Variants in SMC1A observed in about 807,000 individuals in gnomAD.
SMC1A encodes the protein structural maintenance of chromosomes 1A.
A neutral mutation model predicts 94.5 loss-of-function variants in SMC1A; 4 were observed. The ratio of observed to expected loss-of-function variants is 0.04; its 90% CI spans 0.02 to 0.10. The LOEUF (loss-of-function observed/expected upper bound fraction) is 0.10. SMC1A is among the 10% of genes least tolerant of loss of function. The pLI is 1.00. For synonymous variants in SMC1A, 345 were observed against 347.7 expected (o/e 0.99, Z 0.09); for missense variants, 304 against 989.0 (o/e 0.31, Z 9.29).
chrX:53,404,741 C>T (rs1224598009), intron 13 of SMC1A, among the ~76,000 whole-genome samples: 1 of 111,279 alleles, frequency 9.0e-6, no homozygotes, highest in Non-Finnish European at 1.9e-5. Flanking sequence ...GGTGATCCAC[C>T]GTGCCCGGCC....
chrX:53,422,067 C>T (rs1168545113), intron 1 of SMC1A: 1 of 1,194,119 alleles, frequency 8.4e-7, no homozygotes, highest in Non-Finnish European at 1.1e-6. Context: ...CCGTTTGGGA[C>T]CGAAGGCCAC....
intron 18 of SMC1A, among the ~76,000 whole-genome samples, chrX:53,395,267 T>C (rs1369021049): frequency 3.6e-5 from 4 of 112,103 alleles, no homozygotes; most frequent in African/African-American, 1.3e-4. Context: ...CACTTGAAAC[T>C]GGGAGGCGGA....
At position 53,396,464 on chromosome X, in the gene SMC1A, C is replaced by T; in HGVS notation, c.2708+8G>A. ...ACGTCCTCCCACCCCAGGCCTGAAC[C>T]CACTCACTTGTTGGCGCCCCCGAGT... On this transcript the variant is annotated splice_region_variant and intron_variant, in intron 17 of 24. Coordinates refer to ENST00000322213, the MANE Select transcript of SMC1A (RefSeq NM_006306.4). The T allele has an allele frequency of 8.3e-7, 1 of 1,211,083 alleles. No individual in the cohort carries two copies. The highest frequency in any genetic ancestry group is 1.1e-6 in the Non-Finnish European group (1 of 895,375).
At position 53,412,941 on chromosome X, in the gene SMC1A, G is replaced by T. The variant is rs1556890754; in HGVS notation, c.813C>A (p.Gly271=). The change falls in exon 5 of 25, where the codon GGC becomes GGA. Residue 271 remains glycine, a synonymous_variant. Coordinates refer to ENST00000322213, the MANE Select transcript of SMC1A (RefSeq NM_006306.4). ...TCTGCTGCTGCTCCCGCATCATTTT[G>T]CCCAGCTCCTTCTTCTTCTCCTTCA... ...DELKEKKKEL[G]KMMREQQQIE... is the part of the protein sequence containing the mutation. 4.2e-6 allele frequency: 5 copies of T among 1,189,310 alleles called. No individual in the cohort carries two copies. The African/African-American group carries it at 7.0e-5, about 17-fold the overall frequency.
At chrX:53,384,286 CAG>C (rs1241061875) in intron 19 of SMC1A, among the ~76,000 whole-genome samples, 12 of 99,915 alleles carry the variant, frequency 1.2e-4, no homozygotes, top group African/African-American at 4.1e-4. Flanking sequence ...TTTTTGGAGA[CAG>C]AGTCTCGCTC....
Position 53,383,264 on chromosome X carries a change from C to G in SMC1A, c.2974-11G>C. 8.6e-7 allele frequency: 1 copy of G among 1,166,173 alleles called. No homozygotes were observed. Among genetic ancestry groups the G allele is most frequent in the Non-Finnish European group, 1.1e-6 (1 of 872,629 alleles). On this transcript the variant is annotated splice_polypyrimidine_tract_variant and intron_variant, in intron 19 of 24. Coordinates refer to ENST00000322213, the MANE Select transcript of SMC1A (RefSeq NM_006306.4). ...CTCAGCCTGGGCATCCTGTAAGCCC[C>G]AGGCCCAGCAATGTCAAGAAGGGCC...
At position 53,403,442 on chromosome X, in the gene SMC1A, T is replaced by C. The variant is rs182717508; in HGVS notation, c.2420+124A>G. The C allele has an allele frequency of 3.5e-4, 196 of 566,566 alleles. 1 individual carries two copies. The East Asian group carries it at 6.8e-3, about 20-fold the overall frequency. The allele number at this position is 566,566 out of a possible 1,213,427, so 46.7% of individuals were successfully genotyped here. A position where few individuals can be genotyped will look rare whatever the true frequency, so the allele number is the denominator to read the frequency against. On this transcript the variant is annotated intron_variant, in intron 15 of 24. Coordinates refer to ENST00000322213, the MANE Select transcript of SMC1A (RefSeq NM_006306.4). ...CTCCTGATTTCTGTTCTTTAAGGCC[T>C]AGCTACATAAACTCACATAGTTCTA...
chrX:53,399,448 T>C (rs976586172), intron 16 of SMC1A, 141 bp downstream of exon 16: 1 of 552,072 alleles, frequency 1.8e-6, no homozygotes, highest in Admixed American at 3.2e-5. Flanking sequence ...TTATCCATTT[T>C]TCCCGTTTAG....
Position 53,422,419 on chromosome X carries a change from G to A in SMC1A, c.109+73C>T, listed in dbSNP as rs781834306. Reference sequence around the variant, plus strand: ...CGACGTTTCAGGTTACATGGGCTGGGTTGTACTACTCCGGCACCGGATAAG... The same window carrying A: ...CGACGTTTCAGGTTACATGGGCTGGATTGTACTACTCCGGCACCGGATAAG... On this transcript the variant is annotated intron_variant, in intron 1 of 24. Transcript: ENST00000322213. The A allele has an allele frequency of 3.9e-4, 281 of 728,516 alleles. 1 individual carries two copies. In the African/African-American group the frequency reaches 5.1e-3, roughly 13 times the overall value. 60.0% of individuals were successfully genotyped at this position (728,516 alleles called of 1,213,427 possible). A position where few individuals can be genotyped will look rare whatever the true frequency, so the allele number is the denominator to read the frequency against.
intron 1 of SMC1A, among the ~76,000 whole-genome samples, chrX:53,418,721 C>T (rs2075742037): frequency 8.9e-6 from 1 of 112,144 alleles, no homozygotes; most frequent in Non-Finnish European, 1.9e-5. Flanking sequence ...GCATGAGCCA[C>T]CGTTCCTGGC....
intron 19 of SMC1A, among the ~76,000 whole-genome samples, chrX:53,385,332 G>A (rs184532659): frequency 0.019 from 1,904 of 101,349 alleles, 23 homozygotes; most frequent in Non-Finnish European, 0.027. Flanking sequence ...GTGCAGTGGC[G>A]CGCTCTAGGC....
intron 19 of SMC1A, among the ~76,000 whole-genome samples, chrX:53,394,133 C>T (rs1245803543): frequency 2.0e-5 from 1 of 51,096 alleles, no homozygotes; most frequent in Non-Finnish European, 3.3e-5. Flanking sequence ...GCCTGGGCAA[C>T]AAGAGTGAAA....
chrX:53,399,788 T>C, intron 15 of SMC1A, 58 bp from the exon 16 acceptor site: 1 of 1,117,462 alleles, frequency 8.9e-7, no homozygotes. Context: ...AGATAACCAA[T>C]GTACAAAATC....
rs2146581010 is a variant in SMC1A at position 53,380,154 on chromosome X, G to A, written c.3651C>T (p.Thr1217=). The change falls in exon 25 of 25, where the codon ACC becomes ACT. Residue 1217 remains threonine (T), a synonymous_variant. Coordinates refer to ENST00000322213, the MANE Select transcript of SMC1A (RefSeq NM_006306.4). The part of the protein sequence containing the change: ...QGDCVISKVL[T]FDLTKYPDAN... ...CATCTGGGTACTTGGTGAGGTCGAA[G>A]GTCAGGACTTTGCTGATCACACAGT... 2 of 1,208,056 alleles carry A rather than the reference G, an allele frequency of 1.7e-6. No homozygotes were observed. Among genetic ancestry groups the A allele is most frequent in the Non-Finnish European group, 2.2e-6 (2 of 892,908 alleles).
chrX:53,410,984 A>T (rs782464211), intron 7 of SMC1A, among the ~76,000 whole-genome samples: 1 of 96,388 alleles, frequency 1.0e-5, no homozygotes, highest in African/African-American at 3.8e-5. Flanking sequence ...AATGCTGGAT[A>T]CTCAGGAGGC....
chrX:53,403,273 A>G (rs1304956681), intron 15 of SMC1A, among the ~76,000 whole-genome samples: 2 of 109,008 alleles, frequency 1.8e-5, no homozygotes, highest in Non-Finnish European at 3.8e-5. Flanking sequence ...AGGTATCATT[A>G]TACCATTTTG....
intron 19 of SMC1A, among the ~76,000 whole-genome samples, chrX:53,388,479 C>G (rs1556886702): frequency 1.8e-5 from 2 of 108,540 alleles, no homozygotes; most frequent in African/African-American, 6.7e-5. Context: ...AAATACAGAT[C>G]AAGTATTTCT....
At position 53,405,965 on chromosome X, in the gene SMC1A, A is replaced by C; in HGVS notation, c.1546-9T>G. 1 of 1,208,749 alleles carries C rather than the reference A, an allele frequency of 8.3e-7. No homozygotes were observed. Among genetic ancestry groups the C allele is most frequent in the Non-Finnish European group, 1.1e-6 (1 of 892,717 alleles). On this transcript the variant is annotated splice_polypyrimidine_tract_variant and intron_variant, in intron 9 of 24. Transcript: ENST00000322213. Reference sequence around the variant, plus strand: ...TCAATGAGGCGGCCGTACTGAGTAAAGTAGGAAGGGAAAACTGAAGTATGA... The same window carrying C: ...TCAATGAGGCGGCCGTACTGAGTAACGTAGGAAGGGAAAACTGAAGTATGA...
chrX:53,422,692 G>A (rs1422108609), upstream of SMC1A: 1 of 597,542 alleles, frequency 1.7e-6, no homozygotes. Context: ...GTGCAAGCCG[G>A]GCGACCGGCA....
Sources: allele counts gnomAD v4.1 joint callset (sites outside exome capture counted in the v4.1 genomes callset), GRCh38; gene constraint gnomAD v4.1.1; transcripts MANE v1.5; gene names NCBI Gene and HGNC (gene_info 2026-07-23, HGNC 2026-07-21).